MAST3: variants seen among roughly 807,000 people sequenced by gnomAD.
MAST3 encodes microtubule associated serine/threonine kinase 3.
In MAST3, 43 loss-of-function variants were observed where a neutral mutation model predicts 127.0. The ratio of observed to expected loss-of-function variants is 0.34; its 90% CI spans 0.27 to 0.44. The LOEUF is 0.44. Among genes scored for constraint, MAST3 ranks in the 20% least tolerant of loss-of-function variants. The pLI, the probability that MAST3 is intolerant of heterozygous loss-of-function variation, is 1.00. For missense variants in MAST3, 1,390 were observed against 1,919.1 expected (o/e 0.72, Z 5.15); for synonymous variants, 785 against 809.2 (o/e 0.97, Z 0.51).
Position 18,110,706 on chromosome 19 carries a change from C to G in MAST3, c.126C>G (p.Ser42Arg). The part of the protein sequence containing the change: ...PSLLGPSSPC[S>R]PCSPSLGLHP... ...TGCTGGGTCCCAGCAGCCCCTGCAG[C>G]CCCTGTAGCCCCTCCTTGGGCCTGC... Residue 42 changes from serine (S) to arginine (R), a missense_variant, in exon 3 of 28, where the codon AGC becomes AGG. Around this residue, in one of 5 missense-constraint regions of MAST3, gnomAD observed 61 missense variants for 78.2 expected, o/e 0.78. Coordinates refer to ENST00000687212, the MANE Select transcript of MAST3 (RefSeq NM_001393504.1). This position sits in a 1 kb window ranked among gnomAD's most constrained non-coding sequence, Gnocchi z 4.3. The G allele has an allele frequency of 1.0e-6, 1 of 985,932 alleles. No individual in the cohort carries two copies. Among genetic ancestry groups the G allele is most frequent in the Non-Finnish European group, 1.2e-6 (1 of 830,030 alleles). The allele number at this position is 985,932 out of a possible 1,614,324, so 61.1% of individuals were successfully genotyped here.
At chr19:18,128,831 G>T (rs779067326) in intron 12 of MAST3, 35 bp from the exon 13 acceptor site, 2 of 1,563,870 alleles carry the variant, frequency 1.3e-6, no homozygotes, top group Non-Finnish European at 1.8e-6. Context: ...CAGCTCTGCA[G>T]CGGGGCAGGA....
Position 18,149,369 on chromosome 19 carries a change from C to T in MAST3, c.3687C>T (p.Cys1229=). 4.7e-6 allele frequency: 7 copies of T among 1,489,122 alleles called. No individual in the cohort carries two copies. The highest frequency in any genetic ancestry group is 6.2e-6 in the Non-Finnish European group (7 of 1,120,828). The allele number at this position is 1,489,122 out of a possible 1,614,324, so 92.2% of individuals were successfully genotyped here. The change falls in exon 28 of 28, where the codon TGC becomes TGT. Residue 1229 remains cysteine, a synonymous_variant. Transcript: ENST00000687212. This position sits in a 1 kb window ranked among gnomAD's most constrained non-coding sequence, Gnocchi z 5.9. The part of the protein sequence containing the change: ...TSSIPPSPLA[C]PPISAPPPRS... ...GCATCCCGCCCTCCCCGCTGGCCTGCCCGCCCATCTCCGCGCCCCCACCCC... is the reference window on the plus strand; with the variant it reads ...GCATCCCGCCCTCCCCGCTGGCCTGTCCGCCCATCTCCGCGCCCCCACCCC...
At chr19:18,126,833 T>G (rs181928432) in intron 11 of MAST3, among the ~76,000 whole-genome samples, 1 of 151,588 alleles carries the variant, frequency 6.6e-6, no homozygotes, top group Non-Finnish European at 1.5e-5. Context: ...CAGGCTGGAG[T>G]GCAGTGGCAC....
At chr19:18,103,148 C>T (rs978576365) in intron 1 of MAST3, among the ~76,000 whole-genome samples, 7 of 152,052 alleles carry the variant, frequency 4.6e-5, no homozygotes, top group Non-Finnish European at 7.4e-5. Flanking sequence ...CCGAAGGGTC[C>T]GGGAGTGGTG....
Position 18,124,128 on chromosome 19 carries a change from C to T in MAST3, c.823C>T (p.Leu275=), listed in dbSNP as rs1455599476. The change falls in exon 9 of 28, where the codon CTG becomes TTG. Residue 275 remains leucine (L), a synonymous_variant. Coordinates refer to ENST00000687212, the MANE Select transcript of MAST3 (RefSeq NM_001393504.1). ...SRYFLEMQEK[L]ERLLQDAHER... ...CTACTTCCTAGAGATGCAGGAGAAGCTGGAGCGGCTTCTGCAGGATGTGCG... is the reference window on the plus strand; with the variant it reads ...CTACTTCCTAGAGATGCAGGAGAAGTTGGAGCGGCTTCTGCAGGATGTGCG... 1 of 1,611,026 alleles carries T rather than the reference C, an allele frequency of 6.2e-7. No homozygotes were observed. The highest frequency in any genetic ancestry group is 8.5e-7 in the Non-Finnish European group (1 of 1,178,794).
In MAST3 at chr19:18,144,863, T is replaced by C; in HGVS notation, c.2813-140T>C. On this transcript the variant is annotated intron_variant, in intron 23 of 27. Coordinates refer to ENST00000687212, the MANE Select transcript of MAST3 (RefSeq NM_001393504.1). The surrounding 1 kb of genome is among the most constrained non-coding windows in gnomAD (Gnocchi z 4.0). ...TGTTCCCAGTAGAGGGCACTGCACG[T>C]GCAAAGGCCTGGTGGGGTGACCATG... 2.3e-6 allele frequency: 2 copies of C among 864,480 alleles called. No individual in the cohort carries two copies. The highest frequency in any genetic ancestry group is 3.7e-6 in the Non-Finnish European group (2 of 538,812). The allele number at this position is 864,480 out of a possible 1,614,324, so 53.6% of individuals were successfully genotyped here.
In MAST3 at chr19:18,149,206, C is replaced by A. The variant is rs772299418; in HGVS notation, c.3524C>A (p.Pro1175Gln). The change falls in exon 28 of 28, where the codon CCA becomes CAA. Residue 1175 changes from proline (P) to glutamine (Q), a missense_variant. By Grantham distance (76) the Pro-to-Gln change is moderately conservative (BLOSUM62 -1). Transcript: ENST00000687212. This position sits in a 1 kb window ranked among gnomAD's most constrained non-coding sequence, Gnocchi z 5.9. ...PDVPADTTAS[P>Q]PSASPSSSSP... ...TCACCCACAGATACCACTGCATCCC[C>A]ACCCAGCGCATCCCCGAGCTCCAGC... 6.5e-7 allele frequency: 1 copy of A among 1,540,580 alleles called. No homozygotes were observed. The highest frequency in any genetic ancestry group is 8.7e-7 in the Non-Finnish European group (1 of 1,146,402).
In MAST3 at chr19:18,149,484, G is replaced by A. The variant is rs1273381196; in HGVS notation, c.3802G>A (p.Gly1268Arg). ...CCAGTCAGCTGACAAGCTGGGCACAGGGGAGCGGCTGGATGGGGAGGCGGG... is the reference window on the plus strand; with the variant it reads ...CCAGTCAGCTGACAAGCTGGGCACAAGGGAGCGGCTGGATGGGGAGGCGGG... ...RGQSADKLGT[G>R]ERLDGEAGRR... Residue 1268 changes from glycine to arginine, a missense_variant, in exon 28 of 28, where the codon GGG (glycine) becomes AGG (arginine). Gly to Arg is a moderately radical substitution (Grantham distance 125). This residue lies in a region of MAST3 where 816 missense variants were observed against 934.1 expected (regional missense o/e 0.87). Transcript: ENST00000687212. The surrounding 1 kb of genome is among the most constrained non-coding windows in gnomAD (Gnocchi z 5.9). The A allele has an allele frequency of 5.2e-6, 8 of 1,545,016 alleles. No individual in the cohort carries two copies. In the East Asian group the frequency reaches 1.7e-4, roughly 33 times the overall value.
At chr19:18,137,894 C>G (rs1304873364) in intron 19 of MAST3, among the ~76,000 whole-genome samples, 1 of 152,132 alleles carries the variant, frequency 6.6e-6, no homozygotes, top group Non-Finnish European at 1.5e-5. Context: ...AAATGAGGAA[C>G]ATCCTTTATG....
intron 8 of MAST3, 122 bp downstream of exon 8, chr19:18,123,777 C>A: frequency 9.0e-7 from 1 of 1,114,330 alleles, no homozygotes; most frequent in Non-Finnish European, 1.3e-6. Flanking sequence ...GTCTTTCCTT[C>A]CCCTTCCGTT....
chr19:18,134,239 C>T (rs1377904685), intron 15 of MAST3, among the ~76,000 whole-genome samples: 3 of 151,612 alleles, frequency 2.0e-5, no homozygotes, highest in Non-Finnish European at 2.9e-5. Context: ...TATATATATA[C>T]ACACACACAC....
Position 18,144,063 on chromosome 19 carries a change from G to C in MAST3, c.2584+56G>C. 1 of 1,533,732 alleles carries C rather than the reference G, an allele frequency of 6.5e-7. No homozygotes were observed. Among genetic ancestry groups the C allele is most frequent in the Non-Finnish European group, 8.8e-7 (1 of 1,141,072 alleles). ...GTCATGGAAGTTTCCCAGAGGAGGG[G>C]CTATTTGAGATGGGTTTTCAAGGAT... On this transcript the variant is annotated intron_variant, in intron 22 of 27. Transcript: ENST00000687212. The surrounding 1 kb of genome is among the most constrained non-coding windows in gnomAD (Gnocchi z 4.0).
Position 18,132,052 on chromosome 19 carries a change from G to T in MAST3, c.1571+5G>T, listed in dbSNP as rs1393509049. The T allele has an allele frequency of 6.2e-7, 1 of 1,614,020 alleles. No individual in the cohort carries two copies. Among genetic ancestry groups the T allele is most frequent in the Non-Finnish European group, 8.5e-7 (1 of 1,180,022 alleles). ...CCGTGACCTCAAACCAGACAAGTGA[G>T]CTGAGCTAGCATGAGCGGGGCCTCG... On this transcript the variant is annotated splice_donor_5th_base_variant and intron_variant, in intron 15 of 27. Transcript: ENST00000687212.
At chr19:18,124,469 C>A in intron 10 of MAST3, 103 bp downstream of exon 10, 2 of 1,355,702 alleles carry the variant, frequency 1.5e-6, no homozygotes, top group Non-Finnish European at 2.0e-6. Context: ...TCGTGTAGGG[C>A]TTTGAGAGGA....
chr19:18,135,897 G>C, intron 18 of MAST3, 56 bp downstream of exon 18: 2 of 1,349,992 alleles, frequency 1.5e-6, no homozygotes, highest in Non-Finnish European at 2.1e-6. Flanking sequence ...CTGGGACCCA[G>C]GGAATGGAGG....
At chr19:18,123,849 C>G (rs998612068) in intron 8 of MAST3, 90 bp from the exon 9 acceptor site, 17 of 1,286,910 alleles carry the variant, frequency 1.3e-5, no homozygotes, top group African/African-American at 4.4e-5. Context: ...CCCATCTCCT[C>G]TCTCCCCAAC....
chr19:18,110,841 T>C lies in MAST3; in HGVS notation c.161+100T>C. 2.2e-6 allele frequency: 1 copy of C among 455,446 alleles called. No individual in the cohort carries two copies. The highest frequency in any genetic ancestry group is 2.9e-6 in the Non-Finnish European group (1 of 345,246). 28.2% of individuals were successfully genotyped at this position (455,446 alleles called of 1,614,324 possible). A position where few individuals can be genotyped will look rare whatever the true frequency, so the allele number is the denominator to read the frequency against. On this transcript the variant is annotated intron_variant, in intron 3 of 27. Transcript: ENST00000687212. The surrounding 1 kb of genome is among the most constrained non-coding windows in gnomAD (Gnocchi z 4.3). ...ATCGGTCTCCTCAAGATACTGCAGG[T>C]TGGTGACATCACCTCTCTGGGCCTC...
At chr19:18,099,115 G>C (rs2037308069) in intron 1 of MAST3, among the ~76,000 whole-genome samples, 2 of 151,890 alleles carry the variant, frequency 1.3e-5, no homozygotes, top group South Asian at 4.2e-4. Context: ...GCGGGTTGAG[G>C]GGGTGAGAGG....
chr19:18,128,737 G>T (rs2040933560), intron 12 of MAST3, 129 bp from the exon 13 acceptor site: 2 of 742,460 alleles, frequency 2.7e-6, no homozygotes, highest in Non-Finnish European at 2.3e-6. Flanking sequence ...GTCAGAAGCT[G>T]AGTTGGAGAA....
Sources: allele counts gnomAD v4.1 joint callset (sites outside exome capture counted in the v4.1 genomes callset), GRCh38; gene constraint gnomAD v4.1.1; regional missense constraint gnomAD v4.1.1; non-coding constraint Gnocchi (gnomAD v3.1); transcripts MANE v1.5; gene names NCBI Gene and HGNC (gene_info 2026-07-23, HGNC 2026-07-21).